KLF12: variants seen among roughly 807,000 people sequenced by gnomAD.
The protein encoded by KLF12 is Krueppel-like factor 12.
Under a neutral mutation model 37.8 loss-of-function variants are expected in KLF12, and 9 were observed. The ratio of observed to expected loss-of-function variants is 0.24; its 90% confidence interval spans 0.14 to 0.42. The LOEUF is 0.42. Among genes scored for constraint, KLF12 ranks in the 10% least tolerant of loss-of-function variants. The pLI is 1.00. For missense variants in KLF12, 411 were observed against 516.0 expected, an observed-to-expected ratio of 0.80 and a Z score of 1.97; for synonymous variants, 208 against 202.1, an observed-to-expected ratio of 1.03 and a Z score of -0.25.
intron 1 of KLF12, among the ~76,000 whole-genome samples, chr13:74,091,676 C>T (rs1485732472): frequency 6.9e-6 from 1 of 144,552 alleles, no homozygotes; most frequent in Non-Finnish European, 1.5e-5. Flanking sequence ...GAGAGATCAA[C>T]AGGAAGAGCA....
At chr13:74,296,957 T>G in the KLF12 span, among the ~76,000 whole-genome samples, 1 of 152,184 alleles carries the variant, frequency 6.6e-6, no homozygotes, top group Non-Finnish European at 1.5e-5. Flanking sequence ...ATTTGTAGCT[T>G]GATGAGCAGT....
At chr13:73,783,575 A>G (rs1321581588) in intron 5 of KLF12, among the ~76,000 whole-genome samples, 1 of 152,136 alleles carries the variant, frequency 6.6e-6, no homozygotes, top group Non-Finnish European at 1.5e-5. Context: ...ATGTATCAAA[A>G]TATCCCACGT....
chr13:73,832,515 A>G (rs1035944025), intron 4 of KLF12, among the ~76,000 whole-genome samples: 3 of 152,224 alleles, frequency 2.0e-5, no homozygotes, highest in African/African-American at 7.2e-5. Flanking sequence ...TTAGCACAGA[A>G]GAGACAAAAA....
chr13:74,116,200 T>G (rs1877294836), intron 1 of KLF12, among the ~76,000 whole-genome samples: 1 of 152,106 alleles, frequency 6.6e-6, no homozygotes, highest in South Asian at 2.1e-4. Flanking sequence ...TCACCAGCAT[T>G]TTTTTTACTA....
chr13:74,135,331 G>A (rs1221199431), upstream of KLF12, among the ~76,000 whole-genome samples: 1 of 151,916 alleles, frequency 6.6e-6, no homozygotes, highest in Non-Finnish European at 1.5e-5. Context: ...GGGGCGGCGG[G>A]GAAGGGAGTC....
intron 3 of KLF12, among the ~76,000 whole-genome samples, chr13:73,901,914 A>T (rs1030379750): frequency 1.3e-5 from 2 of 152,220 alleles, no homozygotes; most frequent in Non-Finnish European, 2.9e-5. Flanking sequence ...TGTTTTTAAA[A>T]GAATCAGATG....
chr13:74,221,673 A>G, the KLF12 span, among the ~76,000 whole-genome samples: 1 of 152,086 alleles, frequency 6.6e-6, no homozygotes, highest in Admixed American at 6.5e-5. Flanking sequence ...ATAATTGCTT[A>G]TTAGACCCAA....
At chr13:73,871,280 C>T (rs901083508) in intron 3 of KLF12, among the ~76,000 whole-genome samples, 4 of 152,292 alleles carry the variant, frequency 2.6e-5, no homozygotes, top group Non-Finnish European at 5.9e-5. Flanking sequence ...GCTATGGTGG[C>T]GTGTCCTGAA....
chr13:73,753,175 A>T (rs894566386), intron 6 of KLF12, among the ~76,000 whole-genome samples: 1 of 151,690 alleles, frequency 6.6e-6, no homozygotes, highest in Non-Finnish European at 1.5e-5. Flanking sequence ...CAGACTGCGG[A>T]CTACATGTTT....
At chr13:74,173,550 G>A in the KLF12 span, among the ~76,000 whole-genome samples, 1 of 152,152 alleles carries the variant, frequency 6.6e-6, no homozygotes. Context: ...CAAGGCAGTG[G>A]AGATAGCTGA....
the KLF12 span, among the ~76,000 whole-genome samples, chr13:74,147,759 G>A: frequency 1.3e-5 from 2 of 151,988 alleles, no homozygotes; most frequent in African/African-American, 4.8e-5. Context: ...TACTTTCACA[G>A]CTCAGCTACC....
At chr13:73,906,438 A>G (rs541488601) in intron 3 of KLF12, among the ~76,000 whole-genome samples, 1 of 152,080 alleles carries the variant, frequency 6.6e-6, no homozygotes, top group Admixed American at 6.5e-5. Context: ...TTTAGCTGTG[A>G]CTCACCTGCC....
At chr13:74,051,341 A>AACACACACAC (rs10678885) in intron 1 of KLF12, among the ~76,000 whole-genome samples, 4,668 of 143,714 alleles carry the variant, frequency 0.032, 102 homozygotes, top group Admixed American at 0.051. Context: ...TACACACACA[A>AACACACACAC]ACACACACAC....
intron 4 of KLF12, among the ~76,000 whole-genome samples, chr13:73,836,349 A>T (rs972038468): frequency 6.6e-6 from 1 of 152,188 alleles, no homozygotes; most frequent in Non-Finnish European, 1.5e-5. Flanking sequence ...TTAAGGGAGT[A>T]AGAAAAAAAC....
intron 1 of KLF12, among the ~76,000 whole-genome samples, chr13:74,061,592 A>G (rs1176289691): frequency 6.6e-6 from 1 of 152,184 alleles, no homozygotes; most frequent in Non-Finnish European, 1.5e-5. Flanking sequence ...CCTGTGATTA[A>G]AAACAATCCC....
chr13:74,279,446 A>G, the KLF12 span, among the ~76,000 whole-genome samples: 2 of 152,270 alleles, frequency 1.3e-5, no homozygotes, highest in South Asian at 2.1e-4. Context: ...TTGGTGGGTA[A>G]GAAAAATTTT....
chr13:73,813,109 C>T (rs367762300), intron 5 of KLF12, 43 bp downstream of exon 5: 26 of 1,603,810 alleles, frequency 1.6e-5, no homozygotes, highest in Non-Finnish European at 2.2e-5. Context: ...ATCCATTGAA[C>T]ACCTTGGCAA....
chr13:74,034,251 T>G (rs1306873869), intron 1 of KLF12, among the ~76,000 whole-genome samples: 5 of 151,916 alleles, frequency 3.3e-5, no homozygotes, highest in African/African-American at 1.2e-4. Flanking sequence ...TTTTTTTTAG[T>G]AGAGATGGGT....
At chr13:74,004,891 T>C (rs1274828859) in intron 1 of KLF12, among the ~76,000 whole-genome samples, 1 of 151,710 alleles carries the variant, frequency 6.6e-6, no homozygotes, top group Non-Finnish European at 1.5e-5. Context: ...GAATGAAAAT[T>C]CTCTTTCTCC....
Sources: allele counts gnomAD v4.1 joint callset (sites outside exome capture counted in the v4.1 genomes callset), GRCh38; gene constraint gnomAD v4.1.1; transcripts MANE v1.5; gene names NCBI Gene and HGNC (gene_info 2026-07-23, HGNC 2026-07-21).